Variants in RUFY2 observed in about 807,000 individuals in gnomAD.
RUFY2 encodes the protein RUN and FYVE domain containing 2, also known as RUN and FYVE domain-containing protein 2.
RUFY2 carries 49 observed loss-of-function variants against 94.4 expected under a neutral mutation model. The observed-to-expected ratio is 0.52, with a 90% CI of 0.41 to 0.66. RUFY2 has a LOEUF of 0.66. RUFY2 is among the 30% of genes least tolerant of loss of function. RUFY2 has a pLI of 0.00. For synonymous variants in RUFY2, 255 were observed against 235.7 expected, an observed-to-expected ratio of 1.08 and a Z score of -0.75; for missense variants, 541 against 692.8, an observed-to-expected ratio of 0.78 and a Z score of 2.46.
At chr10:68,359,914 G>A (rs890315519) in intron 15 of RUFY2, among the ~76,000 whole-genome samples, 1 of 151,864 alleles carries the variant, frequency 6.6e-6, no homozygotes, top group African/African-American at 2.4e-5. Flanking sequence ...ATACATATAT[G>A]TATACACGTA....
chr10:68,393,014 TTCTC>T (rs904266329), intron 7 of RUFY2, 120 bp downstream of exon 7: 2 of 429,304 alleles, frequency 4.7e-6, no homozygotes, highest in Non-Finnish European at 4.1e-6. Context: ...ACTTTCCATT[TTCTC>T]TCTATCCCCT....
chr10:68,394,819 C>T (rs7078365), intron 4 of RUFY2, among the ~76,000 whole-genome samples: 16,346 of 151,278 alleles, frequency 0.11, 1,081 homozygotes, highest in South Asian at 0.23. Context: ...TTAGTAGAGA[C>T]GGGGTTTCAC....
chr10:68,341,858 ATC>A (rs767680561), downstream of RUFY2: 2 of 1,606,256 alleles, frequency 1.2e-6, no homozygotes, highest in South Asian at 2.2e-5. Flanking sequence ...TATGGTAAGT[ATC>A]TCTAGTTCAG....
chr10:68,378,416 GTA>G, intron 12 of RUFY2: 1 of 1,272,270 alleles, frequency 7.9e-7, no homozygotes, highest in Non-Finnish European at 9.9e-7. Context: ...TGATGGCAGT[GTA>G]TTACCACAGC....
rs545720098 is a variant in RUFY2, at chr10:68,371,611, C to T, written c.1325+5242G>A. ...GCCTCAAAAAAAAAAAAAGACCCAACATTCACGGTATCAGAGGCTCTGAAG... is the reference window on the plus strand; with the variant it reads ...GCCTCAAAAAAAAAAAAAGACCCAATATTCACGGTATCAGAGGCTCTGAAG... On this transcript the variant is annotated intron_variant, in intron 13 of 17. Coordinates refer to ENST00000602465, the MANE Select transcript of RUFY2 (RefSeq NM_001330103.2). 3.0e-3 allele frequency among the ~76,000 whole-genome samples: 450 copies of T among 150,410 alleles called. 2 individuals are homozygous for T. The highest frequency in any genetic ancestry group is 0.01 in the African/African-American group (416 of 41,158).
intron 7 of RUFY2, among the ~76,000 whole-genome samples, chr10:68,389,293 GAA>G (rs1463980261): frequency 6.6e-6 from 1 of 152,174 alleles, no homozygotes; most frequent in Non-Finnish European, 1.5e-5. Context: ...CTGAGAATGA[GAA>G]AAGTCTTTTG....
At chr10:68,396,936 T>C in intron 3 of RUFY2, 55 bp from the exon 4 acceptor site, 1 of 1,173,194 alleles carries the variant, frequency 8.5e-7, no homozygotes, top group Non-Finnish European at 1.3e-6. Context: ...GATCACATCT[T>C]CTGTCTCTAG....
intron 10 of RUFY2, among the ~76,000 whole-genome samples, chr10:68,383,125 G>A (rs2132825805): frequency 6.6e-6 from 1 of 152,284 alleles, no homozygotes; most frequent in East Asian, 1.9e-4. Flanking sequence ...AGGAGTTTGA[G>A]CCCAGCCTGG....
intron 15 of RUFY2, among the ~76,000 whole-genome samples, chr10:68,362,414 C>A (rs1268173462): frequency 1.3e-5 from 2 of 152,108 alleles, no homozygotes; most frequent in Non-Finnish European, 2.9e-5. Flanking sequence ...CTAAATTAAA[C>A]CCTCTTGAGC....
In RUFY2 at chr10:68,400,434, T is replaced by TG. The variant is rs577402599; in HGVS notation, c.296+1185dup. 5.9e-3 allele frequency among the ~76,000 whole-genome samples: 898 copies of TG among 152,118 alleles called. 15 individuals are homozygous for TG. Among genetic ancestry groups the TG allele is most frequent in the African/African-American group, 0.021 (861 of 41,490 alleles). On this transcript the variant is annotated intron_variant, in intron 3 of 17. Coordinates refer to ENST00000602465, the MANE Select transcript of RUFY2 (RefSeq NM_001330103.2). Reference sequence around the variant, plus strand: ...GCTCACGCCTGTAATCCCAGCACTTTGGGAGGCCAAGGCGGGCGGATCACA... The same window carrying TG: ...GCTCACGCCTGTAATCCCAGCACTTTGGGGAGGCCAAGGCGGGCGGATCACA...
downstream of RUFY2, chr10:68,343,056 A>T (rs1038006624): frequency 6.6e-6 from 1 of 152,208 alleles, no homozygotes; most frequent in Non-Finnish European, 1.5e-5. Context: ...TTTAATTTTA[A>T]TCCCTTTGAT....
Position 68,345,801 on chromosome 10 carries a change from C to T in RUFY2, c.1788G>A (p.Leu596=). Reference sequence around the variant, plus strand: ...AGTTAGATGAGCATCTCTGAATGAGCAGTGCATGACAGGAATCACAAACCC... The same window carrying T: ...AGTTAGATGAGCATCTCTGAATGAGTAGTGCATGACAGGAATCACAAACCC... ...PVRVCDSCHA[L]LIQRCSSNLP is the part of the protein sequence containing the mutation. Residue 596 remains leucine, a synonymous_variant, in exon 18 of 18, where the codon CTG becomes CTA. Coordinates refer to ENST00000602465, the MANE Select transcript of RUFY2 (RefSeq NM_001330103.2). 1.9e-6 allele frequency: 3 copies of T among 1,613,640 alleles called. No individual in the cohort carries two copies. Among genetic ancestry groups the T allele is most frequent in the Non-Finnish European group, 1.7e-6 (2 of 1,179,686 alleles).
At chr10:68,405,692 G>A (rs1316481817) in intron 1 of RUFY2, 7 of 982,012 alleles carry the variant, frequency 7.1e-6, no homozygotes, top group Middle Eastern at 5.2e-4. Flanking sequence ...AGAAGAAGCC[G>A]TCCAATTCTT....
intron 16 of RUFY2, among the ~76,000 whole-genome samples, chr10:68,347,665 G>A (rs1268293380): frequency 6.6e-6 from 1 of 152,132 alleles, no homozygotes. Context: ...AACTTTGTTA[G>A]ATGATTATCA....
chr10:68,341,944 C>T, downstream of RUFY2: 1 of 1,605,000 alleles, frequency 6.2e-7, no homozygotes, highest in Non-Finnish European at 8.5e-7. Context: ...GCAGATATCT[C>T]CTGCTGAGTG....
At position 68,376,989 on chromosome 10, in the gene RUFY2, C is replaced by G; in HGVS notation, c.1206-17G>C. Reference sequence around the variant, plus strand: ...TGCTGCAATCTGGTGTAATTCAAATCAACTTTGGGTAAAACTGAGGCTAGA... The same window carrying G: ...TGCTGCAATCTGGTGTAATTCAAATGAACTTTGGGTAAAACTGAGGCTAGA... On this transcript the variant is annotated splice_polypyrimidine_tract_variant and intron_variant, in intron 12 of 17. Coordinates refer to ENST00000602465, the MANE Select transcript of RUFY2 (RefSeq NM_001330103.2). 1 of 1,612,940 alleles carries G rather than the reference C, an allele frequency of 6.2e-7. No individual in the cohort carries two copies. The highest frequency in any genetic ancestry group is 2.2e-5 in the East Asian group (1 of 44,788).
In RUFY2 at chr10:68,379,452, T is replaced by C. The variant is rs766312677; in HGVS notation, c.1177A>G (p.Thr393Ala). The C allele has an allele frequency of 6.2e-7, 1 of 1,612,928 alleles. No individual in the cohort carries two copies. Among genetic ancestry groups the C allele is most frequent in the Non-Finnish European group, 8.5e-7 (1 of 1,179,586 alleles). The change falls in exon 12 of 18, where the codon ACT (threonine) becomes GCT (alanine). Residue 393 changes from threonine (T) to alanine (A), a missense_variant. By Grantham distance (58) the Thr-to-Ala change is moderately conservative. Coordinates refer to ENST00000602465, the MANE Select transcript of RUFY2 (RefSeq NM_001330103.2). Reference protein sequence around the residue: ...ARLEEKTNKITAAMRQLEQRL... With the variant: ...ARLEEKTNKIAAAMRQLEQRL... ...TGTTCCAGCTGCCTCATGGCTGCAG[T>C]AATTTTATTGGTTTTTTCTTCTAGT...
intron 12 of RUFY2, chr10:68,377,576 T>C (rs2048762811): frequency 1.0e-6 from 1 of 985,324 alleles, no homozygotes; most frequent in African/African-American, 1.7e-5. Flanking sequence ...TTGGTGCCAG[T>C]TGGCATCATT....
At chr10:68,352,743 A>C (rs1420436355) in intron 16 of RUFY2, among the ~76,000 whole-genome samples, 1 of 151,710 alleles carries the variant, frequency 6.6e-6, no homozygotes, top group Non-Finnish European at 1.5e-5. Context: ...AGCCTAGTCA[A>C]TATGGTGAAA....
Sources: gnomAD v4.1 joint callset for allele counts (sites outside exome capture counted in the v4.1 genomes callset) on GRCh38, gnomAD v4.1.1 for gene constraint, MANE v1.5 for transcripts, NCBI Gene and HGNC (gene_info 2026-07-23, HGNC 2026-07-21) for gene names.